MYO18B: variants seen among roughly 807,000 people sequenced by gnomAD.
The protein encoded by MYO18B is myosin XVIIIB, also known as unconventional myosin-XVIIIb.
MYO18B carries 204 observed loss-of-function variants against 273.0 expected under a neutral mutation model. That is an observed-to-expected ratio of 0.75 (90% CI 0.67 to 0.84). The LOEUF is 0.84. MYO18B is among the 40% of genes least tolerant of loss of function. The pLI is 0.00. For missense variants in MYO18B, 3,212 were observed against 3,287.6 expected (o/e 0.98, Z 0.56); for synonymous variants, 1,330 against 1,305.7 (o/e 1.02, Z -0.40).
chr22:25,968,001 C>T (rs1000487767), intron 39 of MYO18B, among the ~76,000 whole-genome samples: 1 of 152,182 alleles, frequency 6.6e-6, no homozygotes, highest in Non-Finnish European at 1.5e-5. Flanking sequence ...TTTACCAGCA[C>T]ACCACCGACT....
At chr22:25,762,661 T>C (rs133882) in intron 2 of MYO18B, among the ~76,000 whole-genome samples, 38,418 of 152,268 alleles carry the variant, frequency 0.25, 5,158 homozygotes, top group African/African-American at 0.34. Context: ...GTTTAAGGAC[T>C]GTCAGGAAGC....
the MYO18B span, among the ~76,000 whole-genome samples, chr22:26,037,940 A>T: frequency 1.3e-5 from 2 of 152,232 alleles, no homozygotes; most frequent in Non-Finnish European, 1.5e-5. Context: ...GAGGGCATGG[A>T]TGGGGACAGG....
intron 39 of MYO18B, among the ~76,000 whole-genome samples, chr22:25,967,352 G>A (rs1183279783): frequency 6.6e-6 from 1 of 152,188 alleles, no homozygotes; most frequent in Non-Finnish European, 1.5e-5. Context: ...AGTCTTCATG[G>A]TAGAAAGCTT....
chr22:25,986,961 C>T (rs934228650), intron 39 of MYO18B, among the ~76,000 whole-genome samples: 2 of 152,086 alleles, frequency 1.3e-5, no homozygotes, highest in Non-Finnish European at 2.9e-5. Flanking sequence ...GGCTCTGTAA[C>T]ATTTTCTGCT....
At chr22:25,903,490 A>G in intron 30 of MYO18B, 141 bp from the exon 31 acceptor site, 2 of 804,222 alleles carry the variant, frequency 2.5e-6, no homozygotes, top group Non-Finnish European at 3.9e-6. Context: ...GCTGTGAGGG[A>G]CGGTGGGGTC....
intron 39 of MYO18B, among the ~76,000 whole-genome samples, chr22:25,980,417 C>G (rs2093137098): frequency 6.6e-6 from 1 of 152,196 alleles, no homozygotes; most frequent in African/African-American, 2.4e-5. Flanking sequence ...GCAGCAAGCC[C>G]TTCTGCCTGA....
chr22:26,028,097 T>A (rs1416544942), intron 43 of MYO18B, among the ~76,000 whole-genome samples: 1 of 151,762 alleles, frequency 6.6e-6, no homozygotes, highest in Non-Finnish European at 1.5e-5. Context: ...TACAAAAAAT[T>A]AGCCAGGTGT....
In MYO18B at chr22:25,826,470, C is replaced by CT. The variant is rs2089494925; in HGVS notation, c.2760dup (p.Ala921CysfsTer44). 6.2e-7 allele frequency: 1 copy of CT among 1,613,720 alleles called. No homozygotes were observed. The highest frequency in any genetic ancestry group is 1.3e-5 in the African/African-American group (1 of 74,934). On this transcript the variant is annotated frameshift_variant, in exon 14 of 44. Coordinates refer to ENST00000335473, the MANE Select transcript of MYO18B (RefSeq NM_032608.7). LOFTEE classifies it high-confidence loss of function. ...TGGCCTCGGGCCTGTACCAGGAACT[C>CT]TTTGCGGCTGTGGTCTCACTCATCA...
rs191489029 is a variant in MYO18B, at chr22:26,020,241, C to T, written c.6471-6204C>T. On this transcript the variant is annotated intron_variant, in intron 42 of 43. Transcript: ENST00000335473. ...TACATGCAGATATAGGTGCCTCCTT[C>T]TTTGTTCTTCACCGATTTTCATGGA... is the stretch of plus-strand genomic sequence containing the variant. Among the ~76,000 whole-genome samples, 356 of 152,246 alleles carry T rather than the reference C, an allele frequency of 2.3e-3. 1 individual carries two copies. Among genetic ancestry groups the T allele is most frequent in the Admixed American group, 5.4e-3 (83 of 15,296 alleles).
At chr22:25,947,146 C>T (rs1449888918) in intron 35 of MYO18B, among the ~76,000 whole-genome samples, 2 of 151,914 alleles carry the variant, frequency 1.3e-5, no homozygotes, top group Admixed American at 6.6e-5. Context: ...CATGCGCACA[C>T]GTGTATACAC....
intron 35 of MYO18B, 29 bp downstream of exon 35, chr22:25,946,279 ACCT>A: frequency 6.6e-7 from 1 of 1,510,802 alleles, no homozygotes; most frequent in Non-Finnish European, 9.0e-7. Context: ...AGCTGCAGGG[ACCT>A]GGGCCAGCAT....
chr22:25,777,593 G>A lies in MYO18B; in HGVS notation c.1880G>A (p.Gly627Asp), dbSNP rs1208653569. 2 of 1,590,950 alleles carry A rather than the reference G, an allele frequency of 1.3e-6. No individual in the cohort carries two copies. Among genetic ancestry groups the A allele is most frequent in the African/African-American group, 2.7e-5 (2 of 74,408 alleles). Residue 627 changes from glycine to aspartate, a missense_variant, in exon 8 of 44, where the codon GGC (glycine) becomes GAC (aspartate). Physicochemically the swap from Gly to Asp is moderately conservative, Grantham distance 94. Transcript: ENST00000335473. ...SVPSAGKVPKGRRDGLPAHIG... is the reference protein window; with the variant it reads ...SVPSAGKVPKDRRDGLPAHIG... ...GTGATCTTCCTGCAGGTGCCCAAGGGCCGCCGGGATGGCCTGCCTGCCCAC... is the reference window on the plus strand; with the variant it reads ...GTGATCTTCCTGCAGGTGCCCAAGGACCGCCGGGATGGCCTGCCTGCCCAC...
chr22:25,920,204 G>A (rs999399133), intron 33 of MYO18B, among the ~76,000 whole-genome samples: 2 of 152,186 alleles, frequency 1.3e-5, no homozygotes, highest in Non-Finnish European at 2.9e-5. Flanking sequence ...ACATCCCAGT[G>A]TTGAGGCATC....
At chr22:25,767,192 C>T (rs1355609852) in intron 3 of MYO18B, among the ~76,000 whole-genome samples, 2 of 152,220 alleles carry the variant, frequency 1.3e-5, no homozygotes, top group East Asian at 1.9e-4. Flanking sequence ...GTGAGCTCTT[C>T]AGGCCATAGC....
In MYO18B at chr22:25,874,355, G is replaced by T. The variant is rs377101901; in HGVS notation, c.4021G>T (p.Val1341Phe). 6 of 1,613,976 alleles carry T rather than the reference G, an allele frequency of 3.7e-6. No individual in the cohort carries two copies. The highest frequency in any genetic ancestry group is 5.1e-6 in the Non-Finnish European group (6 of 1,179,876). Residue 1341 changes from valine to phenylalanine, a missense_variant, in exon 23 of 44, where the codon GTT (valine) becomes TTT (phenylalanine). Coordinates refer to ENST00000335473, the MANE Select transcript of MYO18B (RefSeq NM_032608.7). ...AGAGAAGCTGGTATCTCAGAGCATC[G>T]TTCTCTTCCAGGCGGCTTGCAAGGG... The part of the protein sequence containing the change: ...QREKLVSQSI[V>F]LFQAACKGFL...
intron 12 of MYO18B, among the ~76,000 whole-genome samples, chr22:25,800,625 G>C (rs1264816289): frequency 2.6e-5 from 4 of 152,226 alleles, no homozygotes; most frequent in Admixed American, 6.5e-5. Context: ...GGACCCCTGG[G>C]AGACTCTGAG....
chr22:25,833,367 G>A (rs1331021890), intron 16 of MYO18B, among the ~76,000 whole-genome samples: 1 of 152,184 alleles, frequency 6.6e-6, no homozygotes, highest in Non-Finnish European at 1.5e-5. Context: ...TTGAATGAAG[G>A]TGCTGTGCCC....
intron 16 of MYO18B, among the ~76,000 whole-genome samples, chr22:25,833,664 G>A (rs2089794875): frequency 6.6e-6 from 1 of 152,134 alleles, no homozygotes; most frequent in African/African-American, 2.4e-5. Flanking sequence ...GGTGACCTTG[G>A]GCATGTTACT....
chr22:25,951,561 G>A (rs1273017384), intron 37 of MYO18B, among the ~76,000 whole-genome samples: 4 of 152,196 alleles, frequency 2.6e-5, no homozygotes, highest in African/African-American at 4.8e-5. Flanking sequence ...ACAGGATCAC[G>A]ATCCTCTGCG....
Sources: gnomAD v4.1 joint callset for allele counts (sites outside exome capture counted in the v4.1 genomes callset) on GRCh38, gnomAD v4.1.1 for gene constraint, MANE v1.5 for transcripts, NCBI Gene and HGNC (gene_info 2026-07-23, HGNC 2026-07-21) for gene names.